Variants in ASIC2 observed in about 807,000 individuals in gnomAD.
ASIC2 encodes the protein acid-sensing ion channel 2.
A neutral mutation model predicts 57.3 loss-of-function variants in ASIC2; 25 were observed. The observed-to-expected ratio is 0.44, with a 90% CI of 0.32 to 0.61. ASIC2 has a LOEUF of 0.61. Ranked by LOEUF, ASIC2 falls within the 20% of genes least tolerant of loss-of-function variation. The pLI, the probability that ASIC2 is intolerant of heterozygous loss-of-function variation, is 0.06. For synonymous variants in ASIC2, 319 were observed against 307.5 expected (o/e 1.04, Z -0.39); for missense variants, 641 against 738.1 (o/e 0.87, Z 1.52).
intron 1 of ASIC2, among the ~76,000 whole-genome samples, chr17:33,513,591 T>C (rs1216881818): frequency 2.6e-5 from 4 of 152,236 alleles, no homozygotes; most frequent in Non-Finnish European, 5.9e-5. Context: ...TCCCAACTTC[T>C]GTCTGGTGCC....
chr17:33,857,764 C>T (rs940277204), intron 1 of ASIC2, among the ~76,000 whole-genome samples: 13 of 152,164 alleles, frequency 8.5e-5, no homozygotes, highest in African/African-American at 3.1e-4. Context: ...TCTGTGATAT[C>T]CAACATATCT....
intron 1 of ASIC2, among the ~76,000 whole-genome samples, chr17:33,600,113 G>A (rs1352792835): frequency 6.6e-6 from 1 of 152,150 alleles, no homozygotes; most frequent in Non-Finnish European, 1.5e-5. Flanking sequence ...AGCAGCCACA[G>A]GAATCCTTTT....
At chr17:33,534,388 C>T (rs918197929) in intron 1 of ASIC2, 12 of 152,334 alleles carry the variant, frequency 7.9e-5, no homozygotes, top group African/African-American at 2.6e-4. Context: ...TGAGAACCCT[C>T]TCTCTGCTCA....
intron 1 of ASIC2, among the ~76,000 whole-genome samples, chr17:33,483,143 C>T (rs947959245): frequency 4.6e-5 from 7 of 152,204 alleles, no homozygotes; most frequent in Admixed American, 2.6e-4. Context: ...CACAGATCTA[C>T]GCGGCCTCCT....
intron 1 of ASIC2, among the ~76,000 whole-genome samples, chr17:33,660,850 C>T (rs1387729075): frequency 2.0e-5 from 3 of 152,182 alleles, no homozygotes; most frequent in Admixed American, 6.5e-5. Flanking sequence ...GAACTTTGCC[C>T]TCCCACTGCA....
At chr17:33,747,438 G>C (rs1452744515) in intron 1 of ASIC2, among the ~76,000 whole-genome samples, 1 of 152,038 alleles carries the variant, frequency 6.6e-6, no homozygotes, top group Non-Finnish European at 1.5e-5. Context: ...GCCCAGGCTG[G>C]TCTTGAACTC....
intron 1 of ASIC2, among the ~76,000 whole-genome samples, chr17:33,187,878 GAC>G: frequency 7.4e-6 from 1 of 134,290 alleles, no homozygotes; most frequent in Non-Finnish European, 1.6e-5. Flanking sequence ...CATAACGCCT[GAC>G]AGCCAATCAA....
At chr17:34,153,274 T>C (rs1904594042) in intron 1 of ASIC2, among the ~76,000 whole-genome samples, 1 of 152,170 alleles carries the variant, frequency 6.6e-6, no homozygotes, top group Non-Finnish European at 1.5e-5. Context: ...TTAACTTCTC[T>C]AATAAGTCAG....
intron 3 of ASIC2, among the ~76,000 whole-genome samples, chr17:33,039,052 T>A (rs1261880298): frequency 6.6e-6 from 1 of 152,006 alleles, no homozygotes; most frequent in Non-Finnish European, 1.5e-5. Flanking sequence ...TGCCTAAGAG[T>A]ATGTGGTTTC....
At chr17:33,631,586 G>A (rs927841969) in intron 1 of ASIC2, among the ~76,000 whole-genome samples, 3 of 152,146 alleles carry the variant, frequency 2.0e-5, no homozygotes, top group Non-Finnish European at 2.9e-5. Flanking sequence ...GATGGAATGC[G>A]ATTGTGCCCA....
chr17:33,982,396 T>A (rs112322109), intron 1 of ASIC2, among the ~76,000 whole-genome samples: 34 of 152,200 alleles, frequency 2.2e-4, no homozygotes, highest in Non-Finnish European at 4.7e-4. Flanking sequence ...TGGGGTCACC[T>A]TGTAACTTAT....
chr17:33,166,600 GA>G (rs1905314459), intron 1 of ASIC2, among the ~76,000 whole-genome samples: 1 of 152,172 alleles, frequency 6.6e-6, no homozygotes, highest in Non-Finnish European at 1.5e-5. Context: ...ACCCCTGGGT[GA>G]AGGCAAGACT....
intron 1 of ASIC2, among the ~76,000 whole-genome samples, chr17:34,036,457 G>T (rs1907882281): frequency 6.6e-6 from 1 of 151,136 alleles, no homozygotes; most frequent in African/African-American, 2.4e-5. Context: ...CACCAACATG[G>T]CACATGTATA....
chr17:33,963,187 G>A (rs571113930), intron 1 of ASIC2, among the ~76,000 whole-genome samples: 33 of 152,236 alleles, frequency 2.2e-4, no homozygotes, highest in Middle Eastern at 3.4e-3. Flanking sequence ...CCCAGACTCT[G>A]CTCCCAACTA....
At chr17:33,981,635 G>A (rs1467992434) in intron 1 of ASIC2, among the ~76,000 whole-genome samples, 1 of 151,198 alleles carries the variant, frequency 6.6e-6, no homozygotes, top group African/African-American at 2.4e-5. Context: ...AGAGAGAAAG[G>A]AAGGGAGGGT....
At chr17:33,923,574 C>T (rs1418198968) in intron 1 of ASIC2, among the ~76,000 whole-genome samples, 1 of 152,120 alleles carries the variant, frequency 6.6e-6, no homozygotes. Context: ...TGTGGCTGGA[C>T]CTTACAATTA....
chr17:33,414,419 T>C (rs1597719950), intron 1 of ASIC2, among the ~76,000 whole-genome samples: 1 of 151,424 alleles, frequency 6.6e-6, no homozygotes. Context: ...GAGAAGGAAG[T>C]AGAGGGGAGG....
intron 3 of ASIC2, among the ~76,000 whole-genome samples, chr17:33,043,124 A>C (rs2091936293): frequency 6.6e-6 from 1 of 152,086 alleles, no homozygotes; most frequent in South Asian, 2.1e-4. Context: ...ACAGGGTTTC[A>C]CCGTGTTAGC....
chr17:33,414,225 G>T (rs1910759750), intron 1 of ASIC2, among the ~76,000 whole-genome samples: 1 of 152,202 alleles, frequency 6.6e-6, no homozygotes, highest in African/African-American at 2.4e-5. Flanking sequence ...TCAGGAGGCT[G>T]CACCCAAAGA....
Sources: allele counts gnomAD v4.1 joint callset (sites outside exome capture counted in the v4.1 genomes callset), GRCh38; gene constraint gnomAD v4.1.1; transcripts MANE v1.5; gene names NCBI Gene and HGNC (gene_info 2026-07-23, HGNC 2026-07-21).